Variants in WEE2 observed in about 807,000 individuals in gnomAD.
The protein encoded by WEE2 is wee1-like protein kinase 2.
In WEE2, 50 loss-of-function variants were observed where a neutral mutation model predicts 60.1. That is an observed-to-expected ratio of 0.83 (90% CI 0.66 to 1.05). WEE2 has a LOEUF of 1.05. Among genes scored for constraint, WEE2 ranks in the 50% least tolerant of loss-of-function variants. The probability of loss-of-function intolerance (pLI) is 0.00; values close to 1 mark genes in which losing one functional copy is unlikely to be tolerated. For missense variants in WEE2, 631 were observed against 684.3 expected (o/e 0.92, Z 0.87); for synonymous variants, 240 against 241.0 (o/e 1.00, Z 0.04).
At chr7:141,727,945 T>TTA (rs1799048850) in intron 10 of WEE2, 1 of 153,110 alleles carries the variant, frequency 6.5e-6, no homozygotes, top group South Asian at 2.1e-4. Context: ...ATGCATATAT[T>TTA]TACTTGTTAA....
At chr7:141,715,714 G>A (rs9942694) in intron 2 of WEE2, among the ~76,000 whole-genome samples, 73,873 of 151,928 alleles carry the variant, frequency 0.49, 18,110 homozygotes, top group Middle Eastern at 0.52. Flanking sequence ...GGTGGGTGTC[G>A]GAAAGAGAGT....
rs1799119625 is a variant in WEE2 at position 141,730,457 on chromosome 7, A to T, written c.*137A>T. 1.4e-6 allele frequency: 1 copy of T among 727,780 alleles called. No homozygotes were observed. The highest frequency in any genetic ancestry group is 2.3e-6 in the Non-Finnish European group (1 of 439,052). The allele number at this position is 727,780 out of a possible 1,614,324, so 45.1% of individuals were successfully genotyped here. On this transcript the variant is annotated 3_prime_UTR_variant, in exon 12 of 12. Coordinates refer to ENST00000397541, the MANE Select transcript of WEE2 (RefSeq NM_001105558.1). ...TAGTTTAGAGTTGAAGTCACAGCTT[A>T]CAGAAAATGTGCCTGGATTTCCACA...
At chr7:141,724,623 C>A (rs2117120990) in intron 8 of WEE2, among the ~76,000 whole-genome samples, 1 of 152,350 alleles carries the variant, frequency 6.6e-6, no homozygotes, top group Admixed American at 6.5e-5. Flanking sequence ...TCTGATAGCA[C>A]CACCAGTTTT....
At position 141,729,628 on chromosome 7, in the gene WEE2, A is replaced by G. The variant is rs756817482; in HGVS notation, c.1633A>G (p.Lys545Glu). 16 of 1,614,128 alleles carry G rather than the reference A, an allele frequency of 9.9e-6. No homozygotes were observed. The highest frequency in any genetic ancestry group is 1.7e-5 in the Admixed American group (1 of 60,012). ...SGTHTGSRST[K>E]RLVGGKSARS... ...GACCCACACAGGATCAAGAAGCACA[A>G]AACGCCTGGTGGGAGGAAAGAGTGC... Residue 545 changes from lysine (K) to glutamate (E), a missense_variant, in exon 11 of 12, where the codon AAA becomes GAA. Coordinates refer to ENST00000397541, the MANE Select transcript of WEE2 (RefSeq NM_001105558.1).
At chr7:141,723,361 TC>T in intron 6 of WEE2, 81 bp downstream of exon 6, 1 of 1,461,508 alleles carries the variant, frequency 6.8e-7, no homozygotes, top group Non-Finnish European at 9.3e-7. Flanking sequence ...TGTATGTCTA[TC>T]AAGTGTCAAG....
rs368188023 is a variant in WEE2 at position 141,711,712 on chromosome 7, C to G, written c.343-2497C>G. 6.6e-6 allele frequency: 1 copy of G among 152,244 alleles called. No individual in the cohort carries two copies. Among genetic ancestry groups the G allele is most frequent in the Non-Finnish European group, 1.5e-5 (1 of 68,094 alleles). The allele number at this position is 152,244 out of a possible 1,614,324, so 9.4% of individuals were successfully genotyped here. ...CTGTTTGCCTTGCTACAAAGGAATA[C>G]CTGAGACTGGGTAAATTATAAAGAA... On this transcript the variant is annotated intron_variant, in intron 1 of 11. Transcript: ENST00000397541. The surrounding 1 kb of genome is among the most constrained non-coding windows in gnomAD (Gnocchi z 4.2).
chr7:141,709,788 C>T (rs915399028), intron 1 of WEE2, among the ~76,000 whole-genome samples: 32 of 152,220 alleles, frequency 2.1e-4, no homozygotes, highest in African/African-American at 7.0e-4. Context: ...GTAGCATATT[C>T]CTTTATTCTT....
At chr7:141,720,675 C>T (rs1798893419) in intron 4 of WEE2, 3 of 442,020 alleles carry the variant, frequency 6.8e-6, no homozygotes, top group South Asian at 4.7e-5. Flanking sequence ...TGGACTTTGG[C>T]ACCAGGCTGA....
intron 2 of WEE2, 53 bp from the exon 3 acceptor site, chr7:141,716,169 G>A (rs558456580): frequency 9.6e-6 from 14 of 1,450,948 alleles, no homozygotes; most frequent in South Asian, 2.4e-5. Flanking sequence ...AGCATAGTTC[G>A]GCCTCAATAA....
At chr7:141,719,596 G>A (rs1161536249) in intron 4 of WEE2, among the ~76,000 whole-genome samples, 2 of 151,960 alleles carry the variant, frequency 1.3e-5, no homozygotes, top group African/African-American at 4.8e-5. Flanking sequence ...GACTACAGGC[G>A]CGCACCACTA....
rs1011924715 is a variant in WEE2 at position 141,708,624 on chromosome 7, A to G, written c.-135A>G. ...ATTAACACCGTGTTTTGTAGCTGTT[A>G]GTTGGTAGAGGGAAATTCAGGCTAC... On this transcript the variant is annotated 5_prime_UTR_variant, in exon 1 of 12. Coordinates refer to ENST00000397541, the MANE Select transcript of WEE2 (RefSeq NM_001105558.1). 14 of 706,388 alleles carry G rather than the reference A, an allele frequency of 2.0e-5. No individual in the cohort carries two copies. Among genetic ancestry groups the G allele is most frequent in the Non-Finnish European group, 3.2e-5 (13 of 412,500 alleles). The allele number at this position is 706,388 out of a possible 1,614,324, so 43.8% of individuals were successfully genotyped here. A position where few individuals can be genotyped will look rare whatever the true frequency, so the allele number is the denominator to read the frequency against.
chr7:141,721,015 C>T lies in WEE2; in HGVS notation c.839C>T (p.Ala280Val), dbSNP rs1369180522. Residue 280 changes from alanine to valine, a missense_variant, in exon 5 of 12, where the codon GCA (alanine) becomes GTA (valine). Ala to Val is a moderately conservative substitution (Grantham distance 64). Coordinates refer to ENST00000397541, the MANE Select transcript of WEE2 (RefSeq NM_001105558.1). Reference sequence around the variant, plus strand: ...GTGGTACGTTACTATTCCTCATGGGCAGAAGATGACCACATGATCATTCAG... The same window carrying T: ...GTGGTACGTTACTATTCCTCATGGGTAGAAGATGACCACATGATCATTCAG... ...PHVVRYYSSW[A>V]EDDHMIIQNE... The T allele has an allele frequency of 1.9e-6, 3 of 1,614,154 alleles. No homozygotes were observed. The South Asian group carries it at 3.3e-5, about 18-fold the overall frequency.
intron 2 of WEE2, 80 bp downstream of exon 2, chr7:141,714,485 T>C (rs1584739135): frequency 9.0e-7 from 1 of 1,110,814 alleles, no homozygotes; most frequent in Non-Finnish European, 1.3e-6. Context: ...TAAAGTAAGA[T>C]TAGGAACGAG....
In WEE2 at chr7:141,730,387, A is replaced by G. The variant is rs1799118206; in HGVS notation, c.*67A>G. On this transcript the variant is annotated 3_prime_UTR_variant, in exon 12 of 12. Coordinates refer to ENST00000397541, the MANE Select transcript of WEE2 (RefSeq NM_001105558.1). ...ACGAGGTTGCTGTTGCTGATTCCCC[A>G]CCAAAGATCCCAGGGACTCGTTGTA... The G allele has an allele frequency of 7.0e-7, 1 of 1,419,194 alleles. No individual in the cohort carries two copies. The highest frequency in any genetic ancestry group is 9.9e-7 in the Non-Finnish European group (1 of 1,009,714). 87.9% of individuals were successfully genotyped at this position (1,419,194 alleles called of 1,614,324 possible). A position where few individuals can be genotyped will look rare whatever the true frequency, so the allele number is the denominator to read the frequency against.
intron 1 of WEE2, among the ~76,000 whole-genome samples, chr7:141,709,903 G>A (rs960776432): frequency 6.6e-6 from 1 of 152,100 alleles, no homozygotes; most frequent in Non-Finnish European, 1.5e-5. Context: ...TCCTAGGATT[G>A]GTATTAGCTC....
rs1213459319 is a variant in WEE2, at chr7:141,724,354, A to G, written c.1221+79A>G. 8.2e-6 allele frequency: 10 copies of G among 1,223,998 alleles called. No homozygotes were observed. The East Asian group carries it at 1.9e-4, about 23-fold the overall frequency. 75.8% of individuals were successfully genotyped at this position (1,223,998 alleles called of 1,614,324 possible). A position where few individuals can be genotyped will look rare whatever the true frequency, so the allele number is the denominator to read the frequency against. On this transcript the variant is annotated intron_variant, in intron 8 of 11. Transcript: ENST00000397541. Reference sequence around the variant, plus strand: ...CAAATGGAGGATCTCAGTGCAAAAAATTAAAACTGTATATTTATCATTATA... The same window carrying G: ...CAAATGGAGGATCTCAGTGCAAAAAGTTAAAACTGTATATTTATCATTATA...
chr7:141,726,508 T>A (rs923042822), intron 9 of WEE2, among the ~76,000 whole-genome samples: 2 of 152,220 alleles, frequency 1.3e-5, no homozygotes, highest in Non-Finnish European at 2.9e-5. Context: ...TTTGCTTTCC[T>A]GAAAGGAGGC....
chr7:141,709,048 A>T lies in WEE2; in HGVS notation c.290A>T (p.Gln97Leu). The change falls in exon 1 of 12, where the codon CAA becomes CTA. Residue 97 changes from glutamine (Q) to leucine (L), a missense_variant. Physicochemically the swap from Gln to Leu is moderately radical, Grantham distance 113. Coordinates refer to ENST00000397541, the MANE Select transcript of WEE2 (RefSeq NM_001105558.1). ...HPLKCPETPAQPDSRSKLLPS... is the reference protein window; with the variant it reads ...HPLKCPETPALPDSRSKLLPS... ...CTCAAATGTCCTGAGACACCAGCCC[A>T]ACCAGACAGCAGGAGCAAGCTGCTG... The T allele has an allele frequency of 6.2e-7, 1 of 1,614,138 alleles. No homozygotes were observed.
chr7:141,716,209 TTTC>T lies in WEE2; in HGVS notation c.540-10_540-8del. 2.5e-6 allele frequency: 4 copies of T among 1,609,582 alleles called. No homozygotes were observed. The South Asian group carries it at 4.4e-5, about 18-fold the overall frequency. On this transcript the variant is annotated splice_polypyrimidine_tract_variant and intron_variant, in intron 2 of 11. Transcript: ENST00000397541. ...TAATTATATATTGATAAACTTTTTT[TTTC>T]TTTTTTAAGTGAGGAAGCTGGTCCA...
Sources: gnomAD v4.1 joint callset for allele counts (sites outside exome capture counted in the v4.1 genomes callset) on GRCh38, gnomAD v4.1.1 for gene constraint, Gnocchi (gnomAD v3.1) non-coding constraint, MANE v1.5 for transcripts, NCBI Gene and HGNC (gene_info 2026-07-23, HGNC 2026-07-21) for gene names.